GUCY2C: variants seen among roughly 807,000 people sequenced by gnomAD.
GUCY2C encodes guanylate cyclase 2C.
A neutral mutation model predicts 131.1 loss-of-function variants in GUCY2C; 118 were observed. That is an observed-to-expected ratio of 0.90 (90% CI 0.78 to 1.05). The LOEUF is 1.05. Ranked by LOEUF, GUCY2C falls within the 50% of genes least tolerant of loss-of-function variation. The pLI is 0.00. For missense variants in GUCY2C, 1,161 were observed against 1,304.4 expected (o/e 0.89, Z 1.69); for synonymous variants, 452 against 457.8 (o/e 0.99, Z 0.16).
chr12:14,621,043 A>T lies in GUCY2C; in HGVS notation c.2775T>A (p.Ser925=). ...TTGCTAAGATGCTCAACTCCATACC[A>T]GAGTGAACTCCAATGCGAATCCATA... ...LPIWIRIGVH[S]GPCAAGVVGI... Residue 925 remains serine (S), a splice_region_variant and synonymous_variant, in exon 23 of 27, where the codon TCT becomes TCA. Transcript: ENST00000261170. 6.2e-7 allele frequency: 1 copy of T among 1,613,256 alleles called. No homozygotes were observed. Among genetic ancestry groups the T allele is most frequent in the Non-Finnish European group, 8.5e-7 (1 of 1,179,368 alleles).
At chr12:14,677,736 A>T (rs113126942) in intron 6 of GUCY2C, among the ~76,000 whole-genome samples, 7 of 134,038 alleles carry the variant, frequency 5.2e-5, no homozygotes, top group Non-Finnish European at 7.8e-5. Flanking sequence ...ACGCCCAGCT[A>T]TTTTTTTTTT....
In GUCY2C at chr12:14,696,226, TC is replaced by T; in HGVS notation, c.217+5del. The T allele has an allele frequency of 6.2e-7, 1 of 1,608,884 alleles. No homozygotes were observed. On this transcript the variant is annotated splice_donor_5th_base_variant and intron_variant, in intron 1 of 26. Transcript: ENST00000261170. The stretch of plus-strand genomic sequence containing the variant: ...GTGGAGGAAGATTCTATTAACATTT[TC>T]TTACCAGCATTTTGCAGACGTCCTC...
chr12:14,687,158 G>A (rs1230017139), intron 2 of GUCY2C, among the ~76,000 whole-genome samples: 3 of 152,126 alleles, frequency 2.0e-5, no homozygotes, highest in Non-Finnish European at 4.4e-5. Context: ...CTTTAAGTTA[G>A]GTGGCAGATT....
chr12:14,693,622 A>T (rs1379985161), intron 1 of GUCY2C, among the ~76,000 whole-genome samples: 1 of 152,206 alleles, frequency 6.6e-6, no homozygotes. Context: ...TCTTCCCCAA[A>T]AACCTGTACC....
At chr12:14,683,625 C>T (rs954414577) in intron 3 of GUCY2C, among the ~76,000 whole-genome samples, 1 of 152,188 alleles carries the variant, frequency 6.6e-6, no homozygotes, top group African/African-American at 2.4e-5. Context: ...ATGCCATCTA[C>T]ACTTTGCCAT....
Position 14,657,239 on chromosome 12 carries a change from G to A in GUCY2C, c.1365-622C>T, listed in dbSNP as rs546429821. Among the ~76,000 whole-genome samples the A allele has an allele frequency of 2.0e-5, 3 of 152,142 alleles. No individual in the cohort carries two copies. In the East Asian group the frequency reaches 5.8e-4, roughly 29 times the overall value. On this transcript the variant is annotated intron_variant, in intron 11 of 26. Coordinates refer to ENST00000261170, the MANE Select transcript of GUCY2C (RefSeq NM_004963.4). ...TAAACTGATGACATAGAAGGAGTGA[G>A]GAAAAAATACAGGAAAAAAATGTAA...
At position 14,683,206 on chromosome 12, in the gene GUCY2C, C is replaced by T. The variant is rs1948386074; in HGVS notation, c.447G>A (p.Leu149=). 3 of 1,613,664 alleles carry T rather than the reference C, an allele frequency of 1.9e-6. No individual in the cohort carries two copies. Among genetic ancestry groups the T allele is most frequent in the Non-Finnish European group, 2.5e-6 (3 of 1,179,680 alleles). The change falls in exon 4 of 27, where the codon TTG becomes TTA. Residue 149 remains leucine (L), a synonymous_variant. Transcript: ENST00000261170. ...TTAAGGTTTCTTTATAGTCACATGA[C>T]AATCCAAAACTTCCAGCTGAGATCA... ...YPMISAGSFG[L]SCDYKETLTR...
At chr12:14,649,965 T>C (rs898895650) in intron 15 of GUCY2C, among the ~76,000 whole-genome samples, 3 of 152,190 alleles carry the variant, frequency 2.0e-5, no homozygotes, top group Non-Finnish European at 4.4e-5. Flanking sequence ...TTTTAAAGAT[T>C]ACAATTTAAT....
At chr12:14,687,429 G>T (rs1026924182) in intron 2 of GUCY2C, among the ~76,000 whole-genome samples, 12 of 152,108 alleles carry the variant, frequency 7.9e-5, no homozygotes, top group African/African-American at 2.9e-4. Context: ...AGACCAGCCT[G>T]AGCAACGTGG....
In GUCY2C at chr12:14,625,879, A is replaced by G. The variant is rs149865515; in HGVS notation, c.2286T>C (p.Asp762=). 1.9e-6 allele frequency: 3 copies of G among 1,613,606 alleles called. No individual in the cohort carries two copies. The highest frequency in any genetic ancestry group is 2.5e-6 in the Non-Finnish European group (3 of 1,179,650). ...FHDQKNESYM[D]TLIRRLQLYS... Reference sequence around the variant, plus strand: ...ATAGCTGTAGACGTCGGATCAAGGTATCCATATAGCTTTCATTTTTTTGGT... The same window carrying G: ...ATAGCTGTAGACGTCGGATCAAGGTGTCCATATAGCTTTCATTTTTTTGGT... Residue 762 remains aspartate (D), a synonymous_variant, in exon 21 of 27, where the codon GAT becomes GAC. Coordinates refer to ENST00000261170, the MANE Select transcript of GUCY2C (RefSeq NM_004963.4).
At chr12:14,664,705 G>A (rs929536530) in intron 10 of GUCY2C, among the ~76,000 whole-genome samples, 1 of 152,014 alleles carries the variant, frequency 6.6e-6, no homozygotes, top group South Asian at 2.1e-4. Flanking sequence ...ATGATATTAC[G>A]GTTGGAAGGA....
chr12:14,655,020 T>C (rs1226616371), intron 12 of GUCY2C, among the ~76,000 whole-genome samples: 1 of 152,200 alleles, frequency 6.6e-6, no homozygotes, highest in Non-Finnish European at 1.5e-5. Flanking sequence ...GAACAGACCA[T>C]GCCCAAATAA....
At chr12:14,674,363 G>T (rs1438853863) in intron 8 of GUCY2C, 1 of 487,046 alleles carries the variant, frequency 2.1e-6, no homozygotes, top group Non-Finnish European at 3.7e-6. Flanking sequence ...GCCTTATGAT[G>T]AGCTTGTTCA....
intron 12 of GUCY2C, among the ~76,000 whole-genome samples, chr12:14,655,505 G>T (rs553742746): frequency 6.6e-6 from 1 of 152,262 alleles, no homozygotes; most frequent in East Asian, 1.9e-4. Context: ...ACAGGACTTG[G>T]GGAGGAGGGT....
chr12:14,659,832 T>C (rs1416704232), intron 11 of GUCY2C, among the ~76,000 whole-genome samples: 1 of 152,230 alleles, frequency 6.6e-6, no homozygotes, highest in African/African-American at 2.4e-5. Context: ...CTCATGGGCA[T>C]AGCATTGCAC....
rs1592065419 is a variant in GUCY2C, at chr12:14,613,244, T to G, written c.3095A>C (p.Asn1032Thr). 6.2e-7 allele frequency: 1 copy of G among 1,613,386 alleles called. No homozygotes were observed. The highest frequency in any genetic ancestry group is 2.2e-5 in the East Asian group (1 of 44,862). The change falls in exon 27 of 27, where the codon AAC (asparagine) becomes ACC (threonine). Residue 1032 changes from asparagine (N) to threonine (T), a missense_variant. Coordinates refer to ENST00000261170, the MANE Select transcript of GUCY2C (RefSeq NM_004963.4). The surrounding 1 kb of genome is among the most constrained non-coding windows in gnomAD (Gnocchi z 4.9). ...LQAEFSDMIA[N>T]SLQKRQAAGI... ...TGCTGCCTGTCTTTTCTGTAAAGAG[T>G]TGGCAATCATGTCTGAAAATTCTGC... is the stretch of plus-strand genomic sequence containing the variant.
chr12:14,683,091 T>C lies in GUCY2C; in HGVS notation c.562A>G (p.Ser188Gly). The C allele has an allele frequency of 6.2e-7, 1 of 1,613,764 alleles. No individual in the cohort carries two copies. Among genetic ancestry groups the C allele is most frequent in the South Asian group, 1.1e-5 (1 of 91,072 alleles). ...NDLPFKTYSW[S>G]TSYVYKNGTE... is the part of the protein sequence containing the mutation. ...CCATTCTTGTAAACATACGAAGTGC[T>C]CCAGGAATAAGTTTTGAAGGGCAGA... Residue 188 changes from serine to glycine, a missense_variant, in exon 4 of 27, where the codon AGC (serine) becomes GGC (glycine). Transcript: ENST00000261170.
intron 7 of GUCY2C, 26 bp from the exon 8 acceptor site, chr12:14,674,786 ACGGGTCCTTC>A: frequency 6.4e-7 from 1 of 1,564,890 alleles, no homozygotes; most frequent in African/African-American, 1.4e-5. Flanking sequence ...AAATATTAAA[ACGGGTCCTTC>A]AAAAAAGAAT....
Position 14,622,020 on chromosome 12 carries a change from A to G in GUCY2C, c.2586T>C (p.His862=), listed in dbSNP as rs1306535392. 6.2e-7 allele frequency: 1 copy of G among 1,603,010 alleles called. No homozygotes were observed. Among genetic ancestry groups the G allele is most frequent in the Non-Finnish European group, 8.5e-7 (1 of 1,175,588 alleles). The stretch of plus-strand genomic sequence containing the variant: ...ATGTGGTTACCTTGTAGACATCATG[A>G]TGATCAACAATGTGGTCAAAACTCT... ...IYKSFDHIVD[H]HDVYKVETIG... Residue 862 remains histidine (H), a synonymous_variant, in exon 22 of 27, where the codon CAT becomes CAC. Transcript: ENST00000261170.
Sources: allele counts gnomAD v4.1 joint callset (sites outside exome capture counted in the v4.1 genomes callset), GRCh38; gene constraint gnomAD v4.1.1; non-coding constraint Gnocchi (gnomAD v3.1); transcripts MANE v1.5; gene names NCBI Gene and HGNC (gene_info 2026-07-23, HGNC 2026-07-21).